Variants in ADGRV1 observed in about 807,000 individuals in gnomAD.
ADGRV1 encodes G-protein coupled receptor 98.
A neutral mutation model predicts 596.2 loss-of-function variants in ADGRV1; 359 were observed. The observed-to-expected ratio is 0.60, with a 90% CI of 0.55 to 0.66. The LOEUF (loss-of-function observed/expected upper bound fraction) is 0.66, where lower values mean the gene tolerates loss of function less well. Among genes scored for constraint, ADGRV1 ranks in the 30% least tolerant of loss-of-function variants. ADGRV1 has a pLI of 0.00. For synonymous variants in ADGRV1, 2,681 were observed against 2,679.2 expected, an observed-to-expected ratio of 1.00 and a Z score of -0.02; for missense variants, 7,274 against 7,575.6, an observed-to-expected ratio of 0.96 and a Z score of 1.48.
At position 91,077,815 on chromosome 5, in the gene ADGRV1, G is replaced by A. The variant is rs112586685; in HGVS notation, c.18310+5211G>A. Among the ~76,000 whole-genome samples, 11 of 152,212 alleles carry A rather than the reference G, an allele frequency of 7.2e-5. No individual in the cohort carries two copies. The East Asian group carries it at 1.7e-3, about 24-fold the overall frequency. The stretch of plus-strand genomic sequence containing the variant: ...ATTTTAAACAAAGCCTGTAATTTTC[G>A]GGCTTGGTTTTGATCTCTGGCAACG... On this transcript the variant is annotated intron_variant, in intron 86 of 89. Coordinates refer to ENST00000405460, the MANE Select transcript of ADGRV1 (RefSeq NM_032119.4).
At chr5:90,746,281 G>A (rs558192181) in intron 52 of ADGRV1, among the ~76,000 whole-genome samples, 2 of 152,120 alleles carry the variant, frequency 1.3e-5, no homozygotes, top group South Asian at 2.1e-4. Flanking sequence ...GTAATTATAT[G>A]TATGTTGGAC....
chr5:90,981,413 T>A (rs949318275), intron 84 of ADGRV1, among the ~76,000 whole-genome samples: 1 of 152,118 alleles, frequency 6.6e-6, no homozygotes, highest in African/African-American at 2.4e-5. Flanking sequence ...CCCTTTAGCT[T>A]AGTGATTTGG....
intron 31 of ADGRV1, 124 bp from the exon 32 acceptor site, chr5:90,692,481 T>G: frequency 1.4e-6 from 1 of 712,812 alleles, no homozygotes; most frequent in Non-Finnish European, 2.3e-6. Context: ...TTTTAGTCCA[T>G]TTATATTTCA....
chr5:91,046,605 A>G (rs1785838679), intron 85 of ADGRV1, among the ~76,000 whole-genome samples: 1 of 152,206 alleles, frequency 6.6e-6, no homozygotes, highest in South Asian at 2.1e-4. Flanking sequence ...GCATTGGCTC[A>G]GGCAAGGATT....
At chr5:90,714,119 A>G (rs1749763541) in intron 42 of ADGRV1, among the ~76,000 whole-genome samples, 1 of 152,180 alleles carries the variant, frequency 6.6e-6, no homozygotes, top group Non-Finnish European at 1.5e-5. Context: ...CAATGTGTAC[A>G]TATACGATAG....
At position 90,704,981 on chromosome 5, in the gene ADGRV1, T is replaced by C. The variant is rs535424181; in HGVS notation, c.8387-419T>C. Among the ~76,000 whole-genome samples the C allele has an allele frequency of 2.1e-4, 32 of 152,108 alleles. No homozygotes were observed. The South Asian group carries it at 6.2e-3, about 30-fold the overall frequency. ...ATGCACTACCATGCCCAGCTAATTT[T>C]TGTATTTTAGTAGAGATGGGGTTTC... On this transcript the variant is annotated intron_variant, in intron 36 of 89. Transcript: ENST00000405460.
chr5:90,577,020 A>C (rs954256006), intron 1 of ADGRV1, among the ~76,000 whole-genome samples: 28 of 151,880 alleles, frequency 1.8e-4, no homozygotes, highest in African/African-American at 6.5e-4. Context: ...GATATTAGCC[A>C]TTTGTCAGAT....
intron 85 of ADGRV1, among the ~76,000 whole-genome samples, chr5:91,050,273 G>T (rs915639246): frequency 6.6e-6 from 1 of 152,172 alleles, no homozygotes; most frequent in Non-Finnish European, 1.5e-5. Context: ...CCGTTGTTCT[G>T]AAAGAGACAT....
At chr5:90,793,603 C>T (rs80328833) in intron 70 of ADGRV1, among the ~76,000 whole-genome samples, 10 of 152,284 alleles carry the variant, frequency 6.6e-5, no homozygotes, top group African/African-American at 1.4e-4. Context: ...TTGTTTTTCA[C>T]GGTACCTGGA....
rs539254553 is a variant in ADGRV1, at chr5:90,858,412, A to T, written c.17755+2511A>T. ...CTTTTGATATTGTACTATCAAAGAT[A>T]AGGCTATTGGTTATGCTACTGCATT... On this transcript the variant is annotated intron_variant, in intron 82 of 89. Transcript: ENST00000405460. Among the ~76,000 whole-genome samples, 30 of 152,338 alleles carry T rather than the reference A, an allele frequency of 2.0e-4. No homozygotes were observed. The South Asian group carries it at 4.3e-3, about 22-fold the overall frequency.
At chr5:90,971,414 T>A (rs891155316) in intron 84 of ADGRV1, among the ~76,000 whole-genome samples, 1 of 145,378 alleles carries the variant, frequency 6.9e-6, no homozygotes, top group African/African-American at 2.5e-5. Context: ...TCACCAAAGA[T>A]GAGATGAAGG....
intron 87 of ADGRV1, among the ~76,000 whole-genome samples, chr5:91,118,877 A>G (rs1478359020): frequency 6.6e-6 from 1 of 152,152 alleles, no homozygotes. Context: ...GTGAACTCAT[A>G]GGGGATTCTC....
intron 26 of ADGRV1, 44 bp downstream of exon 26, chr5:90,679,673 T>G: frequency 7.4e-7 from 1 of 1,358,948 alleles, no homozygotes; most frequent in Non-Finnish European, 1.0e-6. Flanking sequence ...AGGTTTTTAT[T>G]TTAACTTCTC....
At chr5:90,849,595 G>T (rs538102020) in intron 79 of ADGRV1, among the ~76,000 whole-genome samples, 2 of 152,108 alleles carry the variant, frequency 1.3e-5, no homozygotes, top group East Asian at 3.9e-4. Context: ...TCACCATGTT[G>T]CTCAGGCTGG....
At chr5:90,834,982 C>T (rs796581677) in intron 77 of ADGRV1, among the ~76,000 whole-genome samples, 7 of 122,072 alleles carry the variant, frequency 5.7e-5, no homozygotes, top group African/African-American at 1.6e-4. Context: ...CCTTTCTTTC[C>T]TTCTTTCTTT....
chr5:90,964,297 A>G (rs1323093887), intron 83 of ADGRV1, among the ~76,000 whole-genome samples: 1 of 152,144 alleles, frequency 6.6e-6, no homozygotes, highest in Non-Finnish European at 1.5e-5. Flanking sequence ...GCATAAGTCA[A>G]CTAGTTTTTT....
chr5:90,919,145 A>C (rs1364513087), intron 83 of ADGRV1, among the ~76,000 whole-genome samples: 1 of 152,222 alleles, frequency 6.6e-6, no homozygotes, highest in Non-Finnish European at 1.5e-5. Flanking sequence ...AGCTGCTATT[A>C]GCTTCCTTCC....
intron 87 of ADGRV1, among the ~76,000 whole-genome samples, chr5:91,113,899 A>G (rs1792609294): frequency 6.6e-6 from 1 of 151,704 alleles, no homozygotes; most frequent in Non-Finnish European, 1.5e-5. Flanking sequence ...AGCCTGGGCA[A>G]CAGAGCGAGA....
intron 50 of ADGRV1, among the ~76,000 whole-genome samples, chr5:90,739,117 T>G (rs1370269354): frequency 1.3e-5 from 2 of 152,096 alleles, no homozygotes; most frequent in Non-Finnish European, 2.9e-5. Flanking sequence ...ATAGTCATTG[T>G]ATTCCTTATT....
Sources: allele counts gnomAD v4.1 joint callset (sites outside exome capture counted in the v4.1 genomes callset), GRCh38; gene constraint gnomAD v4.1.1; transcripts MANE v1.5; gene names NCBI Gene and HGNC (gene_info 2026-07-23, HGNC 2026-07-21).